CPT1A: variants seen among roughly 807,000 people sequenced by gnomAD.
The protein encoded by CPT1A is carnitine palmitoyltransferase 1A, also known as carnitine O-palmitoyltransferase 1, liver isoform.
CPT1A carries 64 observed loss-of-function variants against 100.8 expected under a neutral mutation model. The observed-to-expected ratio is 0.63, with a 90% CI of 0.52 to 0.78. The LOEUF (loss-of-function observed/expected upper bound fraction) is 0.78. Ranked by LOEUF, CPT1A falls within the 30% of genes least tolerant of loss-of-function variation. CPT1A has a pLI of 0.00. For synonymous variants in CPT1A, 363 were observed against 396.0 expected, an observed-to-expected ratio of 0.92 and a Z score of 0.99; for missense variants, 802 against 1,034.1, an observed-to-expected ratio of 0.78 and a Z score of 3.08.
At chr11:68,832,163 C>A (rs561749350) in intron 1 of CPT1A, among the ~76,000 whole-genome samples, 1 of 152,236 alleles carries the variant, frequency 6.6e-6, no homozygotes, top group East Asian at 1.9e-4. Flanking sequence ...CAAACCCAGG[C>A]CCAGGCCAGG....
intron 1 of CPT1A, among the ~76,000 whole-genome samples, chr11:68,815,798 A>G (rs1856370735): frequency 6.7e-6 from 1 of 148,370 alleles, no homozygotes; most frequent in Non-Finnish European, 1.5e-5. Context: ...GGCCCGTGGT[A>G]CCTCAACTCT....
At chr11:68,786,262 G>A (rs1371150591) in intron 9 of CPT1A, among the ~76,000 whole-genome samples, 1 of 152,180 alleles carries the variant, frequency 6.6e-6, no homozygotes, top group African/African-American at 2.4e-5. Flanking sequence ...TTCTGGAGCT[G>A]AGATGGGAGG....
intron 14 of CPT1A, among the ~76,000 whole-genome samples, chr11:68,769,037 T>C (rs1278511590): frequency 6.6e-6 from 1 of 152,186 alleles, no homozygotes; most frequent in Non-Finnish European, 1.5e-5. Context: ...TGACCGTATT[T>C]TTCCTCTCTT....
intron 1 of CPT1A, among the ~76,000 whole-genome samples, chr11:68,826,599 G>C (rs1027815893): frequency 2.9e-4 from 44 of 150,628 alleles, no homozygotes; most frequent in African/African-American, 9.3e-4. Context: ...TTAGCCGGGC[G>C]TGGTGGCGGG....
At chr11:68,835,434 C>T (rs1856986161) in intron 1 of CPT1A, among the ~76,000 whole-genome samples, 1 of 152,250 alleles carries the variant, frequency 6.6e-6, no homozygotes, top group South Asian at 2.1e-4. Context: ...ACAACTTGAA[C>T]TTCTAATTCA....
intron 1 of CPT1A, among the ~76,000 whole-genome samples, chr11:68,838,871 C>G (rs916824982): frequency 6.6e-6 from 1 of 152,224 alleles, no homozygotes; most frequent in African/African-American, 2.4e-5. Context: ...CCGGGCCCAT[C>G]TGTGCCTCTT....
At chr11:68,819,664 A>C (rs1426409970) in intron 1 of CPT1A, among the ~76,000 whole-genome samples, 1 of 152,216 alleles carries the variant, frequency 6.6e-6, no homozygotes, top group Admixed American at 6.5e-5. Flanking sequence ...ACTGGAGGTA[A>C]TTATAGTGTC....
chr11:68,812,085 C>T (rs1304943403), intron 3 of CPT1A, among the ~76,000 whole-genome samples: 1 of 152,196 alleles, frequency 6.6e-6, no homozygotes, highest in Non-Finnish European at 1.5e-5. Flanking sequence ...GAAATGACTA[C>T]ATGGGGAATC....
intron 14 of CPT1A, among the ~76,000 whole-genome samples, chr11:68,772,926 A>G (rs532929507): frequency 1.1e-3 from 171 of 152,194 alleles, no homozygotes; most frequent in African/African-American, 3.9e-3. Context: ...ACCTGCCCAC[A>G]CTATTTCCAC....
intron 1 of CPT1A, among the ~76,000 whole-genome samples, chr11:68,839,008 CGAGA>C (rs1342739017): frequency 6.6e-6 from 1 of 152,014 alleles, no homozygotes; most frequent in Admixed American, 6.6e-5. Context: ...GAGAGATTCT[CGAGA>C]GATTCTCTCC....
In CPT1A at chr11:68,756,521, C is replaced by T. The variant is rs1322103678; in HGVS notation, c.*1123G>A. On this transcript the variant is annotated 3_prime_UTR_variant, in exon 19 of 19. Transcript: ENST00000265641. The stretch of plus-strand genomic sequence containing the variant: ...TCACCCTCTGGTGAGTCTTTCCCCT[C>T]ACCGGGTGGGAGGAGAAGGCCATCC... The T allele has an allele frequency of 6.6e-6, 1 of 152,222 alleles. No homozygotes were observed. Among genetic ancestry groups the T allele is most frequent in the East Asian group, 1.9e-4 (1 of 5,182 alleles). 9.4% of individuals were successfully genotyped at this position (152,222 alleles called of 1,614,324 possible).
chr11:68,839,424 G>T, intron 1 of CPT1A: 1 of 802,626 alleles, frequency 1.2e-6, no homozygotes, highest in Non-Finnish European at 1.5e-6. Flanking sequence ...CAGCAGCCCC[G>T]CCCCCAGGCT....
intron 1 of CPT1A, among the ~76,000 whole-genome samples, chr11:68,839,340 C>A (rs952214193): frequency 6.6e-6 from 1 of 152,230 alleles, no homozygotes. Flanking sequence ...GCAACTGCGG[C>A]TTCGCGCCCC....
At chr11:68,831,409 T>C (rs1412210813) in intron 1 of CPT1A, among the ~76,000 whole-genome samples, 1 of 152,138 alleles carries the variant, frequency 6.6e-6, no homozygotes, top group Non-Finnish European at 1.5e-5. Context: ...CTTGCCTCTG[T>C]AATATAAAAC....
At chr11:68,821,352 TA>T (rs914599795) in intron 1 of CPT1A, among the ~76,000 whole-genome samples, 4 of 152,118 alleles carry the variant, frequency 2.6e-5, no homozygotes, top group African/African-American at 9.7e-5. Flanking sequence ...AGGGTTTCAG[TA>T]CGTTGGCCAG....
At chr11:68,788,298 G>T (rs952578386) in intron 9 of CPT1A, among the ~76,000 whole-genome samples, 1 of 151,832 alleles carries the variant, frequency 6.6e-6, no homozygotes, top group Non-Finnish European at 1.5e-5. Context: ...TATTAAAATC[G>T]CCTAAAAAAC....
At chr11:68,775,511 G>A (rs1855120096) in intron 12 of CPT1A, 79 bp from the exon 13 acceptor site, 1 of 1,123,212 alleles carries the variant, frequency 8.9e-7, no homozygotes, top group East Asian at 2.3e-5. Context: ...AGAGAGGGTT[G>A]TTCTTTGCAG....
At position 68,812,475 on chromosome 11, in the gene CPT1A, T is replaced by C. The variant is rs2154001161; in HGVS notation, c.243A>G (p.Leu81=). The change falls in exon 3 of 19, where the codon TTA becomes TTG. Residue 81 remains leucine, a synonymous_variant. Coordinates refer to ENST00000265641, the MANE Select transcript of CPT1A (RefSeq NM_001876.4). ...TCCGATTGATTTTTGCAATTATTCCTAACGAGGGGTCGATCTTGGCGTACA... is the reference window on the plus strand; with the variant it reads ...TCCGATTGATTTTTGCAATTATTCCCAACGAGGGGTCGATCTTGGCGTACA... ...TTMYAKIDPS[L]GIIAKINRTL... 1.9e-6 allele frequency: 3 copies of C among 1,614,204 alleles called. No individual in the cohort carries two copies. The highest frequency in any genetic ancestry group is 2.5e-6 in the Non-Finnish European group (3 of 1,180,034).
chr11:68,824,497 T>A (rs1473432066), intron 1 of CPT1A, among the ~76,000 whole-genome samples: 1 of 152,148 alleles, frequency 6.6e-6, no homozygotes, highest in Non-Finnish European at 1.5e-5. Flanking sequence ...AAAAGACTCA[T>A]TCAAAACAAC....
Sources: allele counts gnomAD v4.1 joint callset (sites outside exome capture counted in the v4.1 genomes callset), GRCh38; gene constraint gnomAD v4.1.1; transcripts MANE v1.5; gene names NCBI Gene and HGNC (gene_info 2026-07-23, HGNC 2026-07-21).